The following RFC5 variants were observed in gnomAD, a reference collection of about 807,000 sequenced individuals.
RFC5 encodes the protein A1 36 kDa subunit.
A neutral mutation model predicts 44.3 loss-of-function variants in RFC5; 26 were observed. The ratio of observed to expected loss-of-function variants is 0.59; its 90% CI spans 0.43 to 0.81. RFC5 has a LOEUF of 0.81. RFC5 is among the 40% of genes least tolerant of loss of function. The probability of loss-of-function intolerance (pLI) is 0.00; values close to 1 mark genes in which losing one functional copy is unlikely to be tolerated. For synonymous variants in RFC5, 155 were observed against 155.2 expected (o/e 1.00, Z 0.01); for missense variants, 328 against 418.6 (o/e 0.78, Z 1.89).
At chr12:118,025,456 G>C in intron 6 of RFC5, 1 of 381,950 alleles carries the variant, frequency 2.6e-6, no homozygotes, top group South Asian at 5.1e-5. Context: ...CTTGTGCCAG[G>C]CCTCTGTCCT....
the RFC5 span, among the ~76,000 whole-genome samples, chr12:118,039,592 C>T: frequency 6.6e-6 from 1 of 151,778 alleles, no homozygotes; most frequent in Non-Finnish European, 1.5e-5. Context: ...AGGATGGCAA[C>T]AGCAGGGAGG....
At chr12:118,017,646 A>G in intron 1 of RFC5, 1 of 1,012,396 alleles carries the variant, frequency 9.9e-7, no homozygotes, top group Non-Finnish European at 1.2e-6. Context: ...CAGAAGATTG[A>G]CAGTTGTAAC....
At chr12:118,034,010 C>T (rs1593460155), downstream of RFC5, 17 of 770,780 alleles carry the variant, frequency 2.2e-5, no homozygotes, top group East Asian at 4.6e-4. Flanking sequence ...CTAAGACTGA[C>T]TTTCACATGC....
chr12:118,038,657 A>AT, the RFC5 span, among the ~76,000 whole-genome samples: 3 of 152,264 alleles, frequency 2.0e-5, no homozygotes, highest in African/African-American at 7.2e-5. Context: ...GTAAGGGTGA[A>AT]GGGGTACATT....
chr12:118,034,928 G>C (rs2137759541), downstream of RFC5: 1 of 1,511,266 alleles, frequency 6.6e-7, no homozygotes, highest in Admixed American at 1.9e-5. Context: ...TCCTTAAAAA[G>C]CTCCATGGTA....
chr12:118,034,575 C>G, downstream of RFC5: 1 of 495,396 alleles, frequency 2.0e-6, no homozygotes, highest in Non-Finnish European at 3.4e-6. Flanking sequence ...TACCAAAGCG[C>G]TCTCTCTGTC....
chr12:118,030,053 G>C (rs977923265), intron 10 of RFC5, among the ~76,000 whole-genome samples: 1 of 152,138 alleles, frequency 6.6e-6, no homozygotes, highest in African/African-American at 2.4e-5. Context: ...TGAGATGAAG[G>C]CCTCTCCTTG....
At chr12:118,025,956 C>A (rs374441931) in intron 7 of RFC5, 128 bp downstream of exon 7, 36 of 608,718 alleles carry the variant, frequency 5.9e-5, no homozygotes, top group African/African-American at 4.3e-4. Context: ...TCAAGCGAAT[C>A]TCCTGCCTCC....
chr12:118,030,539 T>G (rs1361967390), intron 10 of RFC5, among the ~76,000 whole-genome samples: 3 of 152,246 alleles, frequency 2.0e-5, no homozygotes, highest in Admixed American at 2.0e-4. Flanking sequence ...GTTTCCCTCT[T>G]AACGTATTTT....
downstream of RFC5, chr12:118,036,255 T>C: frequency 6.8e-7 from 1 of 1,475,624 alleles, no homozygotes; most frequent in Non-Finnish European, 9.2e-7. Flanking sequence ...ATGTCCCAGA[T>C]TCTAAAAGAG....
rs932637159 is a variant in RFC5, at chr12:118,019,360, G to A, written c.130+224G>A. Among the ~76,000 whole-genome samples the A allele has an allele frequency of 2.0e-5, 3 of 152,170 alleles. No individual in the cohort carries two copies. The highest frequency in any genetic ancestry group is 6.5e-5 in the Admixed American group (1 of 15,278). ...CACAGTGGAGTAAAAATAGCATTAC[G>A]GAGAATCATTTAAGTTCACAGATGT... is the stretch of plus-strand genomic sequence containing the variant. On this transcript the variant is annotated intron_variant, in intron 2 of 10. Transcript: ENST00000454402. The surrounding 1 kb of genome is among the most constrained non-coding windows in gnomAD (Gnocchi z 4.2).
intron 9 of RFC5, among the ~76,000 whole-genome samples, chr12:118,028,850 C>T (rs535025736): frequency 6.6e-6 from 1 of 152,256 alleles, no homozygotes; most frequent in Admixed American, 6.5e-5. Flanking sequence ...GTCAGCTTCT[C>T]GGAGGACAAC....
chr12:118,027,985 G>A lies in RFC5; in HGVS notation c.826G>A (p.Ala276Thr). ...AGAGTTGAAAACTCTGAAGGGGTTG[G>A]CACTGCATGATATCCTGACAGAGAT... ...ITELKTLKGL[A>T]LHDILTEIHL... The change falls in exon 9 of 11, where the codon GCA (alanine) becomes ACA (threonine). Residue 276 changes from alanine (A) to threonine (T), a missense_variant. Transcript: ENST00000454402. 6.2e-7 allele frequency: 1 copy of A among 1,610,416 alleles called. No homozygotes were observed. Among genetic ancestry groups the A allele is most frequent in the Non-Finnish European group, 8.5e-7 (1 of 1,176,996 alleles).
intron 8 of RFC5, 150 bp downstream of exon 8, chr12:118,027,168 G>A: frequency 1.4e-6 from 1 of 735,456 alleles, no homozygotes; most frequent in Non-Finnish European, 2.3e-6. Context: ...GTCTGTAGGT[G>A]GAGTGGGTAC....
chr12:118,023,533 G>A lies in RFC5; in HGVS notation c.421+1174G>A, dbSNP rs370053515. ...GGAGGAGGAGGAGGAGGAGGACAGC[G>A]AGAATATCTTCTGGTCCTAGAAGCT... On this transcript the variant is annotated intron_variant, in intron 5 of 10. Coordinates refer to ENST00000454402, the MANE Select transcript of RFC5 (RefSeq NM_007370.7). 3.7e-3 allele frequency among the ~76,000 whole-genome samples: 560 copies of A among 151,038 alleles called. 6 individuals carry two copies. The highest frequency in any genetic ancestry group is 0.013 in the African/African-American group (537 of 40,880).
the RFC5 span, among the ~76,000 whole-genome samples, chr12:118,040,128 G>T: frequency 6.6e-6 from 1 of 152,108 alleles, no homozygotes; most frequent in East Asian, 1.9e-4. Context: ...AGCCGAGATC[G>T]CAGCATTGCA....
rs2030369960 is a variant in RFC5 at position 118,019,917 on chromosome 12, C to G, written c.267+149C>G. On this transcript the variant is annotated intron_variant, in intron 3 of 10. Transcript: ENST00000454402. The surrounding 1 kb of genome is among the most constrained non-coding windows in gnomAD (Gnocchi z 4.2). Reference sequence around the variant, plus strand: ...TTTGAATATTTTAATTCCCTTTTTCCTATAATGGTCATTTTGGTCTGGATT... The same window carrying G: ...TTTGAATATTTTAATTCCCTTTTTCGTATAATGGTCATTTTGGTCTGGATT... The G allele has an allele frequency of 8.7e-6, 6 of 689,488 alleles. No homozygotes were observed. The East Asian group carries it at 1.7e-4, about 19-fold the overall frequency. 42.7% of individuals were successfully genotyped at this position (689,488 alleles called of 1,614,324 possible).
At chr12:118,036,589 C>T (rs529940443), downstream of RFC5, 12 of 1,449,346 alleles carry the variant, frequency 8.3e-6, no homozygotes, top group Non-Finnish European at 1.1e-5. Flanking sequence ...AAGGTACCAC[C>T]ACCAAATCTG....
chr12:118,025,508 A>G, intron 6 of RFC5: 3 of 459,352 alleles, frequency 6.5e-6, no homozygotes, highest in Non-Finnish European at 1.2e-5. Flanking sequence ...CCATGGGAGA[A>G]TGCTTGTTCC....
Sources: gnomAD v4.1 joint callset for allele counts (sites outside exome capture counted in the v4.1 genomes callset) on GRCh38, gnomAD v4.1.1 for gene constraint, Gnocchi (gnomAD v3.1) non-coding constraint, MANE v1.5 for transcripts, NCBI Gene and HGNC (gene_info 2026-07-23, HGNC 2026-07-21) for gene names.